Variants in ZNF778 observed in about 807,000 individuals in gnomAD.
ZNF778 encodes the protein zinc finger protein 778.
In ZNF778, 37 loss-of-function variants were observed where a neutral mutation model predicts 23.9. The observed-to-expected ratio is 1.54, with a 90% confidence interval of 1.19 to 2.03. The LOEUF (loss-of-function observed/expected upper bound fraction) is 2.03. Among genes scored for constraint, ZNF778 ranks in the 30% most tolerant of loss-of-function variants. ZNF778 has a pLI of 0.00. For missense variants in ZNF778, 1,297 were observed against 934.4 expected (o/e 1.39, Z -5.06); for synonymous variants, 483 against 343.9 (o/e 1.40, Z -4.48).
chr16:89,227,470 A>T lies in ZNF778; in HGVS notation c.1182A>T (p.Ala394=), dbSNP rs374585087. The change falls in exon 7 of 7, where the codon GCA becomes GCT. Residue 394 remains alanine (A), a synonymous_variant. Transcript: ENST00000433976. The stretch of plus-strand genomic sequence containing the variant: ...CTCACACGAGGGAGAAGCCCTTTGC[A>T]TGTGTGGTTTGCGGAAAATATTTTA... ...GKTHTREKPF[A]CVVCGKYFRN... The T allele has an allele frequency of 1.1e-5, 17 of 1,613,814 alleles. No individual in the cohort carries two copies. Among genetic ancestry groups the T allele is most frequent in the Non-Finnish European group, 1.3e-5 (15 of 1,179,896 alleles).
rs1289304025 is a variant in ZNF778, at chr16:89,236,066, A to G, written c.*7504A>G. Reference sequence around the variant, plus strand: ...GTGGCGGGCGACTGCAGTCCCAGCTACTGGGGAGGCTGAGGCAGGAGAATG... The same window carrying G: ...GTGGCGGGCGACTGCAGTCCCAGCTGCTGGGGAGGCTGAGGCAGGAGAATG... On this transcript the variant is annotated 3_prime_UTR_variant, in exon 7 of 7. Coordinates refer to ENST00000433976, the MANE Select transcript of ZNF778 (RefSeq NM_001201407.2). The G allele has an allele frequency of 1.3e-5, 2 of 152,068 alleles. No homozygotes were observed. The highest frequency in any genetic ancestry group is 2.9e-5 in the Non-Finnish European group (2 of 68,052). The allele number at this position is 152,068 out of a possible 1,614,324, so 9.4% of individuals were successfully genotyped here. A position where few individuals can be genotyped will look rare whatever the true frequency, so the allele number is the denominator to read the frequency against.
Position 89,224,685 on chromosome 16 carries a change from C to G in ZNF778, c.245-34C>G, listed in dbSNP as rs192985467. ...GTAGGTTTGTCATCCCCTGCCTGAGCCTCTTCCATCGATGTCTCTTTCCCT... is the reference window on the plus strand; with the variant it reads ...GTAGGTTTGTCATCCCCTGCCTGAGGCTCTTCCATCGATGTCTCTTTCCCT... On this transcript the variant is annotated intron_variant, in intron 4 of 6. Transcript: ENST00000433976. 198 of 1,473,670 alleles carry G rather than the reference C, an allele frequency of 1.3e-4. No individual in the cohort carries two copies. The East Asian group carries it at 4.9e-3, about 36-fold the overall frequency. 91.3% of individuals were successfully genotyped at this position (1,473,670 alleles called of 1,614,324 possible).
intron 1 of ZNF778, among the ~76,000 whole-genome samples, chr16:89,219,962 C>A (rs193268196): frequency 3.5e-4 from 53 of 152,324 alleles, no homozygotes; most frequent in African/African-American, 1.3e-3. Context: ...CACAAGCTCT[C>A]TGTTGTGTAT....
intron 1 of ZNF778, among the ~76,000 whole-genome samples, chr16:89,219,862 A>G (rs1344391419): frequency 1.3e-5 from 2 of 152,260 alleles, no homozygotes; most frequent in African/African-American, 2.4e-5. Context: ...TATAGGTGTC[A>G]TGAGGTGCAG....
intron 2 of ZNF778, among the ~76,000 whole-genome samples, chr16:89,221,447 G>A (rs769937387): frequency 7.2e-5 from 11 of 152,268 alleles, no homozygotes; most frequent in Middle Eastern, 3.4e-3. Context: ...CCTGATGGGC[G>A]GCATAGCTCA....
At chr16:89,221,184 T>C in intron 2 of ZNF778, 32 bp downstream of exon 2, 7 of 1,520,500 alleles carry the variant, frequency 4.6e-6, no homozygotes, top group Non-Finnish European at 6.2e-6. Context: ...TCTCAGAGCC[T>C]CTGCTCTAGG....
Position 89,228,331 on chromosome 16 carries a change from C to T in ZNF778, c.2043C>T (p.Ala681=), listed in dbSNP as rs760056906. ...KPYICNECGK[A]FRASSHLHKH... ...ACATATGTAACGAGTGTGGGAAAGC[C>T]TTCCGTGCCTCCTCTCACCTGCATA... The change falls in exon 7 of 7, where the codon GCC becomes GCT. Residue 681 remains alanine (A), a synonymous_variant. Coordinates refer to ENST00000433976, the MANE Select transcript of ZNF778 (RefSeq NM_001201407.2). 18 of 1,613,670 alleles carry T rather than the reference C, an allele frequency of 1.1e-5. No individual in the cohort carries two copies. Among genetic ancestry groups the T allele is most frequent in the Non-Finnish European group, 1.5e-5 (18 of 1,179,756 alleles).
chr16:89,227,628 A>C lies in ZNF778; in HGVS notation c.1340A>C (p.Lys447Thr). Residue 447 changes from lysine (K) to threonine (T), a missense_variant, in exon 7 of 7, where the codon AAG (lysine) becomes ACG (threonine). Transcript: ENST00000433976. ...TRHVRTHTGE[K>T]PYTCKDCGKA... is the part of the protein sequence containing the mutation. The stretch of plus-strand genomic sequence containing the variant: ...CACGTACGAACACACACGGGCGAGA[A>C]GCCATACACGTGTAAGGACTGCGGG... The C allele has an allele frequency of 6.2e-7, 1 of 1,614,158 alleles. No homozygotes were observed. Among genetic ancestry groups the C allele is most frequent in the Non-Finnish European group, 8.5e-7 (1 of 1,179,990 alleles).
Position 89,228,885 on chromosome 16 carries a change from G to A in ZNF778, c.*323G>A, listed in dbSNP as rs1168531840. Reference sequence around the variant, plus strand: ...TCACAATGAAGAAAAACCTTAGGAGGGTGAGAATTGTTGGGAAGTCATTTT... The same window carrying A: ...TCACAATGAAGAAAAACCTTAGGAGAGTGAGAATTGTTGGGAAGTCATTTT... On this transcript the variant is annotated 3_prime_UTR_variant, in exon 7 of 7. Transcript: ENST00000433976. The A allele has an allele frequency of 1.2e-5, 12 of 1,043,164 alleles. No homozygotes were observed. The highest frequency in any genetic ancestry group is 7.4e-5 in the East Asian group (1 of 13,440). 64.6% of individuals were successfully genotyped at this position (1,043,164 alleles called of 1,614,324 possible). A position where few individuals can be genotyped will look rare whatever the true frequency, so the allele number is the denominator to read the frequency against.
rs780594323 is a variant in ZNF778, at chr16:89,228,134, C to T, written c.1846C>T (p.Pro616Ser). Residue 616 changes from proline to serine, a missense_variant, in exon 7 of 7, where the codon CCT (proline) becomes TCT (serine). Transcript: ENST00000433976. ...CATACGAACTCACACTGGAGAGAAA[C>T]CTTATGAATGTAAAGTATGCGGAAA... ...EHIRTHTGEKPYECKVCGKAF... is the reference protein window; with the variant it reads ...EHIRTHTGEKSYECKVCGKAF... 6.2e-7 allele frequency: 1 copy of T among 1,613,438 alleles called. No homozygotes were observed. The highest frequency in any genetic ancestry group is 1.3e-5 in the African/African-American group (1 of 75,038).
rs76831851 is a variant in ZNF778, at chr16:89,228,984, T to C, written c.*422T>C. On this transcript the variant is annotated 3_prime_UTR_variant, in exon 7 of 7. Coordinates refer to ENST00000433976, the MANE Select transcript of ZNF778 (RefSeq NM_001201407.2). ...TGAAGTGTTGTGAATGTATGGAAGA[T>C]AGCAGTCGCTTCCCTGTGTTCTAAA... The C allele has an allele frequency of 6.0e-6, 6 of 995,976 alleles. No individual in the cohort carries two copies. In the East Asian group the frequency reaches 4.4e-4, roughly 73 times the overall value. The allele number at this position is 995,976 out of a possible 1,614,324, so 61.7% of individuals were successfully genotyped here. A position where few individuals can be genotyped will look rare whatever the true frequency, so the allele number is the denominator to read the frequency against.
intron 1 of ZNF778, among the ~76,000 whole-genome samples, chr16:89,220,635 GTGA>G: frequency 6.6e-6 from 1 of 152,196 alleles, no homozygotes; most frequent in East Asian, 1.9e-4. Flanking sequence ...TCCAGCCTGG[GTGA>G]CAGCAAGACT....
chr16:89,221,972 C>T, intron 2 of ZNF778, 120 bp from the exon 3 acceptor site: 1 of 611,668 alleles, frequency 1.6e-6, no homozygotes, highest in Non-Finnish European at 2.8e-6. Context: ...TGTGCGTTTT[C>T]CTGAGTGTGC....
Position 89,232,606 on chromosome 16 carries a change from A to G in ZNF778, c.*4044A>G. 2 of 1,192,078 alleles carry G rather than the reference A, an allele frequency of 1.7e-6. No homozygotes were observed. The highest frequency in any genetic ancestry group is 3.5e-5 in the Admixed American group (1 of 28,246). The allele number at this position is 1,192,078 out of a possible 1,614,324, so 73.8% of individuals were successfully genotyped here. The stretch of plus-strand genomic sequence containing the variant: ...CCAATGTCTGAGGGTTCCTCAGAGT[A>G]AGATAAAATATTAAAGGACCAATTG... On this transcript the variant is annotated 3_prime_UTR_variant, in exon 7 of 7. Transcript: ENST00000433976.
chr16:89,218,513 C>T (rs1176697673), intron 1 of ZNF778, among the ~76,000 whole-genome samples: 2 of 152,192 alleles, frequency 1.3e-5, no homozygotes, highest in Non-Finnish European at 2.9e-5. Context: ...AAAATTAGGC[C>T]GGGCGCGGTG....
chr16:89,226,712 G>T lies in ZNF778; in HGVS notation c.424G>T (p.Gly142Trp). Residue 142 changes from glycine (G) to tryptophan (W), a missense_variant, in exon 7 of 7, where the codon GGG becomes TGG. Physicochemically the swap from Gly to Trp is radical, Grantham distance 184. Transcript: ENST00000433976. ...CCAACAGGCAAGAAGCCACAATGGA[G>T]GGCAGCTCTGTGACCGCACGCAGTG... ...ETQTARSHNGGQLCDRTQCGE... is the reference protein window; with the variant it reads ...ETQTARSHNGWQLCDRTQCGE... 6.2e-7 allele frequency: 1 copy of T among 1,611,808 alleles called. No individual in the cohort carries two copies.
chr16:89,232,359 C>T lies in ZNF778; in HGVS notation c.*3797C>T. On this transcript the variant is annotated 3_prime_UTR_variant, in exon 7 of 7. Transcript: ENST00000433976. Reference sequence around the variant, plus strand: ...GATGCCAGTGCTATGCTTGCACAGCCTGCTGAACCATGAGCCAAATAAGCC... The same window carrying T: ...GATGCCAGTGCTATGCTTGCACAGCTTGCTGAACCATGAGCCAAATAAGCC... 3.5e-6 allele frequency: 1 copy of T among 288,856 alleles called. No homozygotes were observed. Among genetic ancestry groups the T allele is most frequent in the Non-Finnish European group, 6.7e-6 (1 of 149,062 alleles). The allele number at this position is 288,856 out of a possible 1,614,324, so 17.9% of individuals were successfully genotyped here.
Position 89,234,228 on chromosome 16 carries a change from C to A in ZNF778, c.*5666C>A. On this transcript the variant is annotated 3_prime_UTR_variant, in exon 7 of 7. Coordinates refer to ENST00000433976, the MANE Select transcript of ZNF778 (RefSeq NM_001201407.2). ...GTGGTTTTCCTCATAGTCTCTCTAC[C>A]TAAGCACATGTCTGTGACAAGGTCT... The A allele has an allele frequency of 2.8e-6, 1 of 361,864 alleles. No homozygotes were observed. Among genetic ancestry groups the A allele is most frequent in the Non-Finnish European group, 5.4e-6 (1 of 183,916 alleles). The allele number at this position is 361,864 out of a possible 1,614,324, so 22.4% of individuals were successfully genotyped here.
rs761860829 is a variant in ZNF778, at chr16:89,226,885, G to T, written c.597G>T (p.Val199=). ...TLFKIGEQFS[V]LGQCGKAFSS... Reference sequence around the variant, plus strand: ...TCAAAATTGGAGAGCAGTTTTCCGTGTTGGGTCAGTGTGGAAAAGCCTTCA... The same window carrying T: ...TCAAAATTGGAGAGCAGTTTTCCGTTTTGGGTCAGTGTGGAAAAGCCTTCA... The change falls in exon 7 of 7, where the codon GTG becomes GTT. Residue 199 remains valine, a synonymous_variant. Transcript: ENST00000433976. 5.0e-6 allele frequency: 8 copies of T among 1,614,016 alleles called. No individual in the cohort carries two copies. In the East Asian group the frequency reaches 1.6e-4, roughly 31 times the overall value.
Sources: allele counts gnomAD v4.1 joint callset (sites outside exome capture counted in the v4.1 genomes callset), GRCh38; gene constraint gnomAD v4.1.1; transcripts MANE v1.5; gene names NCBI Gene and HGNC (gene_info 2026-07-23, HGNC 2026-07-21).